Variants in AKAP12 observed in about 807,000 individuals in gnomAD.
AKAP12 encodes the protein A-kinase anchoring protein 12.
In AKAP12, 32 loss-of-function variants were observed where a neutral mutation model predicts 79.9. The observed-to-expected ratio is 0.40, with a 90% confidence interval of 0.30 to 0.54. The LOEUF is 0.54. Ranked by LOEUF, AKAP12 falls within the 20% of genes least tolerant of loss-of-function variation. AKAP12 has a pLI of 0.48. For missense variants in AKAP12, 2,074 were observed against 2,177.0 expected (o/e 0.95, Z 0.94); for synonymous variants, 808 against 857.0 (o/e 0.94, Z 1.00).
intron 2 of AKAP12, among the ~76,000 whole-genome samples, chr6:151,300,892 T>A (rs1776851228): frequency 6.6e-6 from 1 of 152,204 alleles, no homozygotes; most frequent in Non-Finnish European, 1.5e-5. Context: ...ATAGGTTTTC[T>A]GGTGCTTACC....
chr6:151,307,372 T>G (rs1310321899), intron 3 of AKAP12, among the ~76,000 whole-genome samples: 1 of 152,174 alleles, frequency 6.6e-6, no homozygotes, highest in Non-Finnish European at 1.5e-5. Flanking sequence ...TGGAACAGCC[T>G]AGCCCCTGCA....
At chr6:151,354,167 CA>C (rs1303879560) in intron 4 of AKAP12, among the ~76,000 whole-genome samples, 1 of 149,778 alleles carries the variant, frequency 6.7e-6, no homozygotes, top group Non-Finnish European at 1.5e-5. Context: ...AAAAAACAAA[CA>C]AAAAAAACTA....
intron 2 of AKAP12, among the ~76,000 whole-genome samples, chr6:151,250,007 G>T (rs546092372): frequency 3.3e-5 from 5 of 152,282 alleles, no homozygotes; most frequent in Admixed American, 6.5e-5. Flanking sequence ...CACTTCGGGA[G>T]GTGAGGGTGG....
At chr6:151,324,939 A>G (rs1191131529) in intron 3 of AKAP12, 2 of 985,330 alleles carry the variant, frequency 2.0e-6, no homozygotes, top group Non-Finnish European at 1.2e-6. Context: ...TGTTAGAGAT[A>G]TGATAGTGTC....
At position 151,240,405 on chromosome 6, in the gene AKAP12, C is replaced by CA. The variant is rs1796946964; in HGVS notation, c.-158_-157insA. 1.8e-5 allele frequency: 13 copies of CA among 702,856 alleles called. No individual in the cohort carries two copies. The East Asian group carries it at 4.6e-4, about 25-fold the overall frequency. 43.5% of individuals were successfully genotyped at this position (702,856 alleles called of 1,614,324 possible). On this transcript the variant is annotated 5_prime_UTR_variant, in exon 2 of 5. Transcript: ENST00000402676. ...TAAGGAGTTTGCCGCGAGCGCGTCT[C>CA]CTTCATTCGCAGGCTGGGCGCGTTC... is the stretch of plus-strand genomic sequence containing the variant.
intron 3 of AKAP12, among the ~76,000 whole-genome samples, chr6:151,321,796 C>A (rs981290288): frequency 6.6e-6 from 1 of 152,044 alleles, no homozygotes. Flanking sequence ...TTTTACCTTC[C>A]CAATAGCGAT....
At chr6:151,304,943 T>C (rs1269187662) in intron 2 of AKAP12, among the ~76,000 whole-genome samples, 2 of 152,126 alleles carry the variant, frequency 1.3e-5, no homozygotes, top group East Asian at 1.9e-4. Flanking sequence ...CAAATGACCA[T>C]TGTAGTAATA....
At position 151,284,405 on chromosome 6, in the gene AKAP12, C is replaced by T. The variant is rs147756355; in HGVS notation, c.163-21342C>T. ...CTTTGGGAAGCCGAGGTGGAAGGATCGCTTGAGCCCAGGAGTTTGAGACCA... is the reference window on the plus strand; with the variant it reads ...CTTTGGGAAGCCGAGGTGGAAGGATTGCTTGAGCCCAGGAGTTTGAGACCA... On this transcript the variant is annotated intron_variant, in intron 2 of 4. Coordinates refer to ENST00000402676, the MANE Select transcript of AKAP12 (RefSeq NM_005100.4). Among the ~76,000 whole-genome samples, 8 of 152,230 alleles carry T rather than the reference C, an allele frequency of 5.3e-5. No individual in the cohort carries two copies. The South Asian group carries it at 6.2e-4, about 12-fold the overall frequency.
intron 3 of AKAP12, chr6:151,325,321 C>G (rs931611556): frequency 2.2e-5 from 22 of 985,300 alleles, no homozygotes; most frequent in Admixed American, 6.1e-5. Flanking sequence ...GTGGCTATTT[C>G]CTTGAAATGA....
At chr6:151,324,725 G>C (rs1777480982) in intron 3 of AKAP12, 3 of 985,228 alleles carry the variant, frequency 3.0e-6, no homozygotes, top group African/African-American at 1.7e-5. Flanking sequence ...AAACCCAGGG[G>C]ACCTAACGGA....
At chr6:151,287,778 A>G (rs2114732392) in intron 2 of AKAP12, among the ~76,000 whole-genome samples, 1 of 152,276 alleles carries the variant, frequency 6.6e-6, no homozygotes, top group Admixed American at 6.5e-5. Flanking sequence ...TGTTTATTGC[A>G]GCACTGTTCA....
At chr6:151,247,431 C>A (rs943720193) in intron 2 of AKAP12, among the ~76,000 whole-genome samples, 1 of 151,764 alleles carries the variant, frequency 6.6e-6, no homozygotes, top group Non-Finnish European at 1.5e-5. Flanking sequence ...AACAAAAAAA[C>A]AAAAAAACTT....
rs978629614 is a variant in AKAP12 at position 151,351,040 on chromosome 6, G to A, written c.2649G>A (p.Glu883=). The A allele has an allele frequency of 9.9e-6, 16 of 1,614,148 alleles. No individual in the cohort carries two copies. Among genetic ancestry groups the A allele is most frequent in the Non-Finnish European group, 1.3e-5 (15 of 1,180,030 alleles). Residue 883 remains glutamate (E), a synonymous_variant, in exon 4 of 5, where the codon GAG becomes GAA. Transcript: ENST00000402676. This position sits in a 1 kb window ranked among gnomAD's most constrained non-coding sequence, Gnocchi z 4.4. The stretch of plus-strand genomic sequence containing the variant: ...AGGCAGCCACTGAGGTGTCCAAGGA[G>A]CTCAGCGAGAGTCAGGTTCATATGA... ...EQKAATEVSK[E]LSESQVHMMA... is the part of the protein sequence containing the mutation.
chr6:151,264,148 C>A (rs553697350), intron 2 of AKAP12, among the ~76,000 whole-genome samples: 3 of 152,028 alleles, frequency 2.0e-5, no homozygotes, highest in African/African-American at 7.2e-5. Context: ...GGAGAACATC[C>A]GCTTGGCTGG....
At chr6:151,340,020 G>A (rs1305861038) in intron 3 of AKAP12, among the ~76,000 whole-genome samples, 1 of 151,764 alleles carries the variant, frequency 6.6e-6, no homozygotes, top group Non-Finnish European at 1.5e-5. Context: ...CCCGTCTCCC[G>A]GGTTCAAGCA....
chr6:151,288,341 C>G (rs987930931), intron 2 of AKAP12, among the ~76,000 whole-genome samples: 1 of 151,896 alleles, frequency 6.6e-6, no homozygotes, highest in Admixed American at 6.6e-5. Context: ...ATGGAGAAAC[C>G]CTGACTCTAC....
At position 151,351,623 on chromosome 6, in the gene AKAP12, G is replaced by C; in HGVS notation, c.3232G>C (p.Glu1078Gln). Residue 1078 changes from glutamate (E) to glutamine (Q), a missense_variant, in exon 4 of 5, where the codon GAA (glutamate) becomes CAA (glutamine). Physicochemically the swap from Glu to Gln is conservative, Grantham distance 29 (BLOSUM62 2). Transcript: ENST00000402676. The surrounding 1 kb of genome is among the most constrained non-coding windows in gnomAD (Gnocchi z 4.4). ...GCAGAGAGCAGAGGCAGAAAGACCA[G>C]AAGAGCAGGCTGAAGCGTCGGGTCT... is the stretch of plus-strand genomic sequence containing the variant. ...PVQRAEAERP[E>Q]EQAEASGLKK... 1 of 1,614,174 alleles carries C rather than the reference G, an allele frequency of 6.2e-7. No individual in the cohort carries two copies. The highest frequency in any genetic ancestry group is 8.5e-7 in the Non-Finnish European group (1 of 1,180,042).
At chr6:151,258,647 TATTA>T (rs1414803872) in intron 2 of AKAP12, among the ~76,000 whole-genome samples, 7 of 152,282 alleles carry the variant, frequency 4.6e-5, no homozygotes, top group African/African-American at 1.7e-4. Context: ...TATTTTATTT[TATTA>T]ATTTATTTAT....
Position 151,348,738 on chromosome 6 carries a change from G to C in AKAP12, c.347G>C (p.Ser116Thr), listed in dbSNP as rs1184243580. 1 of 1,495,896 alleles carries C rather than the reference G, an allele frequency of 6.7e-7. No individual in the cohort carries two copies. Among genetic ancestry groups the C allele is most frequent in the East Asian group, 2.7e-5 (1 of 36,772 alleles). The allele number at this position is 1,495,896 out of a possible 1,614,324, so 92.7% of individuals were successfully genotyped here. ...GGACAGAGAGACTCTGAAGATGTGA[G>C]CAAAAGAGACTCCGATAAAGAGATG... The part of the protein sequence containing the change: ...EVGQRDSEDV[S>T]KRDSDKEMAT... Residue 116 changes from serine to threonine, a missense_variant, in exon 4 of 5, where the codon AGC becomes ACC. Ser to Thr is a moderately conservative substitution (Grantham distance 58). Around this residue, in one of 3 missense-constraint regions of AKAP12, gnomAD observed 1,428 missense variants for 1,451.0 expected, o/e 0.98. Coordinates refer to ENST00000402676, the MANE Select transcript of AKAP12 (RefSeq NM_005100.4).
Sources: allele counts gnomAD v4.1 joint callset (sites outside exome capture counted in the v4.1 genomes callset), GRCh38; gene constraint gnomAD v4.1.1; regional missense constraint gnomAD v4.1.1; non-coding constraint Gnocchi (gnomAD v3.1); transcripts MANE v1.5; gene names NCBI Gene and HGNC (gene_info 2026-07-23, HGNC 2026-07-21).